The following PRKCH variants were observed in gnomAD, a reference collection of about 807,000 sequenced individuals.
PRKCH encodes protein kinase C eta, also known as protein kinase C eta type.
PRKCH carries 28 observed loss-of-function variants against 82.5 expected under a neutral mutation model. The ratio of observed to expected loss-of-function variants is 0.34; its 90% CI spans 0.25 to 0.47. PRKCH has a LOEUF of 0.47. Among genes scored for constraint, PRKCH ranks in the 20% least tolerant of loss-of-function variants. PRKCH has a pLI of 1.00. For missense variants in PRKCH, 705 were observed against 881.8 expected (o/e 0.80, Z 2.54); for synonymous variants, 322 against 327.4 (o/e 0.98, Z 0.18).
intron 1 of PRKCH, among the ~76,000 whole-genome samples, chr14:61,203,186 C>CAT (rs2140040055): frequency 6.6e-6 from 1 of 152,228 alleles, no homozygotes; most frequent in African/African-American, 2.4e-5. Flanking sequence ...TCAAGCACCT[C>CAT]ATATCCTGCC....
At chr14:61,383,173 G>A (rs953718152) in intron 1 of PRKCH, among the ~76,000 whole-genome samples, 1 of 152,114 alleles carries the variant, frequency 6.6e-6, no homozygotes, top group South Asian at 2.1e-4. Flanking sequence ...ATATGTCACC[G>A]GTATTCCTTG....
intron 2 of PRKCH, among the ~76,000 whole-genome samples, chr14:61,435,765 T>A (rs1282131455): frequency 6.6e-6 from 1 of 152,128 alleles, no homozygotes; most frequent in Non-Finnish European, 1.5e-5. Context: ...GCTGTATATT[T>A]GGGAATCCTC....
chr14:61,519,874 A>G (rs773125054), intron 10 of PRKCH, among the ~76,000 whole-genome samples: 1 of 81,870 alleles, frequency 1.2e-5, no homozygotes. Context: ...TTTCTGTGGT[A>G]AAAAAAAAAA....
intron 1 of PRKCH, among the ~76,000 whole-genome samples, chr14:61,234,186 C>T (rs530959764): frequency 6.6e-6 from 1 of 152,274 alleles, no homozygotes; most frequent in South Asian, 2.1e-4. Context: ...GAAGACATAA[C>T]CCACCCCTAT....
chr14:61,484,948 C>G (rs1886148054), intron 9 of PRKCH, among the ~76,000 whole-genome samples: 1 of 151,574 alleles, frequency 6.6e-6, no homozygotes, highest in South Asian at 2.1e-4. Context: ...GGTCTTGAAC[C>G]CCTGGGCTCA....
intron 1 of PRKCH, among the ~76,000 whole-genome samples, chr14:61,248,827 G>C (rs552619062): frequency 8.6e-5 from 13 of 152,012 alleles, no homozygotes; most frequent in Admixed American, 4.6e-4. Flanking sequence ...TTTAGAGACA[G>C]CATCCCACAC....
chr14:61,280,816 T>C lies in PRKCH; in HGVS notation c.-19+93148T>C. Reference sequence around the variant, plus strand: ...CTGGTAGAAGTTGGTCAGCTCGTAGTAGAGGTACACTGGGCCCTGGAAGAG... The same window carrying C: ...CTGGTAGAAGTTGGTCAGCTCGTAGCAGAGGTACACTGGGCCCTGGAAGAG... On this transcript the variant is annotated intron_variant, in intron 1 of 3. Transcript: ENST00000555185. The surrounding 1 kb of genome is among the most constrained non-coding windows in gnomAD (Gnocchi z 5.0). 6.4e-7 allele frequency: 1 copy of C among 1,565,336 alleles called. No homozygotes were observed. Among genetic ancestry groups the C allele is most frequent in the Non-Finnish European group, 8.6e-7 (1 of 1,164,580 alleles).
chr14:61,187,501 T>C (rs558640059), upstream of PRKCH: 1 of 152,432 alleles, frequency 6.6e-6, no homozygotes, highest in African/African-American at 2.4e-5. Flanking sequence ...GCAGTGGGTA[T>C]CAGAGCTCAG....
chr14:61,441,498 CT>C (rs1262479940), intron 2 of PRKCH, among the ~76,000 whole-genome samples: 3 of 152,156 alleles, frequency 2.0e-5, no homozygotes, highest in Non-Finnish European at 4.4e-5. Context: ...TGTGATTTAG[CT>C]TCTGGTTCTT....
intron 9 of PRKCH, among the ~76,000 whole-genome samples, chr14:61,459,668 C>G (rs146298878): frequency 6.7e-4 from 102 of 152,254 alleles, no homozygotes; most frequent in African/African-American, 2.3e-3. Flanking sequence ...ATATAAGTAT[C>G]CTCCAAATAT....
chr14:61,476,052 C>A (rs1885714596), intron 9 of PRKCH, among the ~76,000 whole-genome samples: 1 of 152,172 alleles, frequency 6.6e-6, no homozygotes, highest in Admixed American at 6.5e-5. Context: ...ATAGCATCAG[C>A]AGACCTGATT....
chr14:61,414,061 C>T (rs1040728203), intron 2 of PRKCH, among the ~76,000 whole-genome samples: 4 of 152,142 alleles, frequency 2.6e-5, no homozygotes, highest in African/African-American at 9.7e-5. Flanking sequence ...TTGGGCTTCT[C>T]TACCACCCTC....
chr14:61,272,057 C>G (rs1381602862), intron 1 of PRKCH, among the ~76,000 whole-genome samples: 2 of 151,928 alleles, frequency 1.3e-5, no homozygotes, highest in African/African-American at 2.4e-5. Context: ...AACCCCGTCT[C>G]TACTAAAAAA....
chr14:61,529,167 T>C lies in PRKCH; in HGVS notation c.1526T>C (p.Val509Ala). The change falls in exon 11 of 14, where the codon GTC becomes GCC. Residue 509 changes from valine (V) to alanine (A), a missense_variant. Physicochemically the swap from Val to Ala is moderately conservative, Grantham distance 64. This residue lies in a region of PRKCH where 115 missense variants were observed against 193.8 expected (regional missense o/e 0.59). Coordinates refer to ENST00000332981, the MANE Select transcript of PRKCH (RefSeq NM_006255.5). Reference protein sequence around the residue: ...GMCKEGICNGVTTATFCGTPD... With the variant: ...GMCKEGICNGATTATFCGTPD... ...TGCAAGGAGGGGATTTGCAATGGTG[T>C]CACCACGGCCACATTCTGTGGCACG... The C allele has an allele frequency of 6.2e-7, 1 of 1,613,974 alleles. No homozygotes were observed. Among genetic ancestry groups the C allele is most frequent in the East Asian group, 2.2e-5 (1 of 44,856 alleles).
At chr14:61,451,067 A>G in intron 6 of PRKCH, 96 bp downstream of exon 6, 1 of 1,361,572 alleles carries the variant, frequency 7.3e-7, no homozygotes, top group Admixed American at 2.5e-5. Context: ...CCTAGAACTG[A>G]TGGTTTTAGA....
chr14:61,311,134 A>G (rs2045520686), intron 1 of PRKCH, among the ~76,000 whole-genome samples: 1 of 152,216 alleles, frequency 6.6e-6, no homozygotes, highest in African/African-American at 2.4e-5. Flanking sequence ...TCTCTGTGAC[A>G]TGCCCTGGAG....
chr14:61,225,673 AG>A (rs2140055590), intron 1 of PRKCH, among the ~76,000 whole-genome samples: 1 of 152,364 alleles, frequency 6.6e-6, no homozygotes, highest in African/African-American at 2.4e-5. Flanking sequence ...ACTTTCAGTC[AG>A]TTTATAAAAA....
intron 9 of PRKCH, among the ~76,000 whole-genome samples, chr14:61,461,535 C>G (rs1885028653): frequency 6.6e-6 from 1 of 152,186 alleles, no homozygotes; most frequent in Non-Finnish European, 1.5e-5. Context: ...GTTAGATCAT[C>G]TTCACCAGGT....
At chr14:61,542,055 C>T (rs988430857) in intron 12 of PRKCH, among the ~76,000 whole-genome samples, 1 of 151,690 alleles carries the variant, frequency 6.6e-6, no homozygotes, top group Non-Finnish European at 1.5e-5. Context: ...TTTGGGAGGC[C>T]GAGGCAGGCG....
Sources: allele counts gnomAD v4.1 joint callset (sites outside exome capture counted in the v4.1 genomes callset), GRCh38; gene constraint gnomAD v4.1.1; regional missense constraint gnomAD v4.1.1; non-coding constraint Gnocchi (gnomAD v3.1); transcripts MANE v1.5; gene names NCBI Gene and HGNC (gene_info 2026-07-23, HGNC 2026-07-21).